The following SORL1 variants were observed in gnomAD, a reference collection of about 807,000 sequenced individuals.
The protein encoded by SORL1 is sortilin-related receptor.
In SORL1, 127 loss-of-function variants were observed where a neutral mutation model predicts 273.7. The observed-to-expected ratio is 0.46, with a 90% CI of 0.40 to 0.54. The LOEUF (loss-of-function observed/expected upper bound fraction) is 0.54, where lower values mean the gene tolerates loss of function less well. SORL1 is among the 20% of genes least tolerant of loss of function. The pLI is 0.00. For synonymous variants in SORL1, 1,031 were observed against 1,067.4 expected (o/e 0.97, Z 0.66); for missense variants, 2,494 against 2,846.1 (o/e 0.88, Z 2.81).
intron 9 of SORL1, among the ~76,000 whole-genome samples, chr11:121,521,064 GAA>G (rs34516204): frequency 0.33 from 46,121 of 141,632 alleles, 8,045 homozygotes; most frequent in Middle Eastern, 0.48. Flanking sequence ...AAGCAACTCA[GAA>G]AAAAAAAAAA....
In SORL1 at chr11:121,615,265, A is replaced by G. The variant is rs560882604; in HGVS notation, c.5604+210A>G. Among the ~76,000 whole-genome samples, 372 of 152,086 alleles carry G rather than the reference A, an allele frequency of 2.4e-3. 3 individuals carry two copies. The highest frequency in any genetic ancestry group is 8.3e-3 in the African/African-American group (346 of 41,486). On this transcript the variant is annotated intron_variant, in intron 41 of 47. Coordinates refer to ENST00000260197, the MANE Select transcript of SORL1 (RefSeq NM_003105.6). ...TGCTCCTTTTTGAGTCTACTGTTTT[A>G]CTTTCCACTCCTCCCCAGTGTGTCC...
chr11:121,598,437 C>T (rs1024542407), intron 32 of SORL1, among the ~76,000 whole-genome samples: 22 of 152,302 alleles, frequency 1.4e-4, no homozygotes, highest in Admixed American at 7.2e-4. Context: ...GGAGTCGCAG[C>T]TTTCCCTGGG....
chr11:121,577,094 T>G, intron 24 of SORL1, 187 bp from the exon 25 acceptor site: 1 of 1,092,276 alleles, frequency 9.2e-7, no homozygotes, highest in Non-Finnish European at 1.3e-6. Context: ...TGTAACCCAT[T>G]TGCAGCACAC....
At chr11:121,484,606 G>T (rs1019135223) in intron 3 of SORL1, among the ~76,000 whole-genome samples, 8 of 151,984 alleles carry the variant, frequency 5.3e-5, no homozygotes, top group Non-Finnish European at 1.2e-4. Context: ...GGGAGAATTG[G>T]GTTTTGTTGG....
chr11:121,633,214 T>C lies in SORL1; in HGVS notation c.*3651T>C, dbSNP rs2134964660. On this transcript the variant is annotated 3_prime_UTR_variant, in exon 48 of 48. Coordinates refer to ENST00000260197, the MANE Select transcript of SORL1 (RefSeq NM_003105.6). Reference sequence around the variant, plus strand: ...ATGGAGTACCAGCACCGAAAATGGGTTGAGGGAGGATGGGTTGTATGTATG... The same window carrying C: ...ATGGAGTACCAGCACCGAAAATGGGCTGAGGGAGGATGGGTTGTATGTATG... 1 of 152,056 alleles carries C rather than the reference T, an allele frequency of 6.6e-6. No individual in the cohort carries two copies. The highest frequency in any genetic ancestry group is 3.4e-3 in the Middle Eastern group (1 of 292). 9.4% of individuals were successfully genotyped at this position (152,056 alleles called of 1,614,324 possible).
intron 6 of SORL1, among the ~76,000 whole-genome samples, chr11:121,503,570 C>G (rs1423896139): frequency 6.6e-6 from 1 of 152,124 alleles, no homozygotes; most frequent in South Asian, 2.1e-4. Context: ...CTCACTGCAG[C>G]TTTGAACTCC....
At chr11:121,601,101 G>A (rs1175623620) in intron 32 of SORL1, among the ~76,000 whole-genome samples, 1 of 134,676 alleles carries the variant, frequency 7.4e-6, no homozygotes, top group Non-Finnish European at 1.5e-5. Context: ...CTGTGTCCAT[G>A]TGATCTCATT....
At chr11:121,625,651 T>TGGATTTTACATGTAAAATCATATAAC (rs1863785783) in intron 46 of SORL1, among the ~76,000 whole-genome samples, 1 of 152,144 alleles carries the variant, frequency 6.6e-6, no homozygotes, top group Non-Finnish European at 1.5e-5. Context: ...CTCCTTGTCA[T>TGGATTTTACATGTAAAATCATATAAC]GGATTTTACA....
At chr11:121,509,545 C>T (rs528548526) in intron 6 of SORL1, among the ~76,000 whole-genome samples, 106 of 152,222 alleles carry the variant, frequency 7.0e-4, no homozygotes, top group African/African-American at 1.8e-3. Context: ...GGCATGATCT[C>T]GGCTCACCGC....
In SORL1 at chr11:121,452,631, A is replaced by G. The variant is rs369012338; in HGVS notation, c.285+15A>G. Reference sequence around the variant, plus strand: ...TGTACGGACAGGTGAGCAGTTTTGCAACCCGCCTCCCTCCAGTTTTTTCCT... The same window carrying G: ...TGTACGGACAGGTGAGCAGTTTTGCGACCCGCCTCCCTCCAGTTTTTTCCT... On this transcript the variant is annotated intron_variant, in intron 1 of 47. Transcript: ENST00000260197. The surrounding 1 kb of genome is among the most constrained non-coding windows in gnomAD (Gnocchi z 5.3). 8.3e-5 allele frequency: 121 copies of G among 1,449,422 alleles called. No homozygotes were observed. The African/African-American group carries it at 1.6e-3, about 20-fold the overall frequency. The allele number at this position is 1,449,422 out of a possible 1,614,324, so 89.8% of individuals were successfully genotyped here.
chr11:121,516,132 G>A (rs1479173105), intron 8 of SORL1, among the ~76,000 whole-genome samples: 1 of 152,178 alleles, frequency 6.6e-6, no homozygotes, highest in African/African-American at 2.4e-5. Context: ...TCTTTTACAG[G>A]AGTTATCCTC....
chr11:121,458,224 G>A (rs548647547), intron 1 of SORL1, among the ~76,000 whole-genome samples: 50 of 152,182 alleles, frequency 3.3e-4, no homozygotes, highest in Non-Finnish European at 6.9e-4. Context: ...ATATTAAAAT[G>A]AGTTTGCATT....
At chr11:121,512,866 A>G (rs1861899119) in intron 6 of SORL1, 137 bp from the exon 7 acceptor site, 6 of 652,094 alleles carry the variant, frequency 9.2e-6, no homozygotes, top group Non-Finnish European at 1.6e-5. Flanking sequence ...TTGCAAAAAC[A>G]TGAATTTGCA....
At chr11:121,598,372 C>G (rs1051057738) in intron 32 of SORL1, among the ~76,000 whole-genome samples, 1 of 152,078 alleles carries the variant, frequency 6.6e-6, no homozygotes, top group African/African-American at 2.4e-5. Context: ...AGGGTTTTCC[C>G]CAGGATGACA....
In SORL1 at chr11:121,576,692, G is replaced by T. The variant is rs1040598924; in HGVS notation, c.3461-589G>T. On this transcript the variant is annotated intron_variant, in intron 24 of 47. Coordinates refer to ENST00000260197, the MANE Select transcript of SORL1 (RefSeq NM_003105.6). Reference sequence around the variant, plus strand: ...TCCCCTTCTTGGTCAAGCTCTGCTGGTTGGTTCTTACCAGGCCCCCACCCT... The same window carrying T: ...TCCCCTTCTTGGTCAAGCTCTGCTGTTTGGTTCTTACCAGGCCCCCACCCT... 3.7e-6 allele frequency: 5 copies of T among 1,341,106 alleles called. No homozygotes were observed. In the African/African-American group the frequency reaches 5.9e-5, roughly 16 times the overall value. The allele number at this position is 1,341,106 out of a possible 1,614,324, so 83.1% of individuals were successfully genotyped here.
intron 7 of SORL1, among the ~76,000 whole-genome samples, chr11:121,513,785 T>C (rs968909003): frequency 6.6e-6 from 1 of 152,204 alleles, no homozygotes; most frequent in Non-Finnish European, 1.5e-5. Flanking sequence ...TTTCCTTTGG[T>C]CACCTTAGGA....
intron 43 of SORL1, 52 bp downstream of exon 43, chr11:121,619,969 G>A (rs761566541): frequency 2.9e-5 from 43 of 1,458,116 alleles, no homozygotes; most frequent in Non-Finnish European, 4.1e-5. Flanking sequence ...CCTGGTTAGG[G>A]TGGGGTGGGA....
intron 35 of SORL1, among the ~76,000 whole-genome samples, 191 bp from the exon 36 acceptor site, chr11:121,606,654 C>T (rs760316227): frequency 1.2e-4 from 18 of 152,288 alleles, no homozygotes; most frequent in African/African-American, 2.4e-4. Flanking sequence ...GATGTGTGGA[C>T]GGCACACCTT....
chr11:121,556,255 G>A (rs552882843), intron 18 of SORL1, among the ~76,000 whole-genome samples: 9 of 152,324 alleles, frequency 5.9e-5, no homozygotes, highest in African/African-American at 1.9e-4. Flanking sequence ...TTTAGTGGAG[G>A]AAGCAAAATA....
Sources: gnomAD v4.1 joint callset for allele counts (sites outside exome capture counted in the v4.1 genomes callset) on GRCh38, gnomAD v4.1.1 for gene constraint, Gnocchi (gnomAD v3.1) non-coding constraint, MANE v1.5 for transcripts, NCBI Gene and HGNC (gene_info 2026-07-23, HGNC 2026-07-21) for gene names.